STK38L: variants seen among roughly 807,000 people sequenced by gnomAD.
The protein encoded by STK38L is serine/threonine kinase 38 like.
In STK38L, 28 loss-of-function variants were observed where a neutral mutation model predicts 59.7. That is an observed-to-expected ratio of 0.47 (90% CI 0.35 to 0.64). STK38L has a LOEUF of 0.64. Ranked by LOEUF, STK38L falls within the 30% of genes least tolerant of loss-of-function variation. STK38L has a pLI of 0.01. For synonymous variants in STK38L, 162 were observed against 176.8 expected (o/e 0.92, Z 0.66); for missense variants, 314 against 555.8 (o/e 0.56, Z 4.37).
chr12:27,292,300 A>G (rs555996875), intron 1 of STK38L, among the ~76,000 whole-genome samples: 17 of 152,356 alleles, frequency 1.1e-4, no homozygotes, highest in African/African-American at 2.4e-4. Flanking sequence ...TTAAATTTTT[A>G]AAAGTCTGTC....
intron 1 of STK38L, among the ~76,000 whole-genome samples, chr12:27,263,826 A>G (rs925440905): frequency 1.3e-5 from 2 of 152,240 alleles, no homozygotes; most frequent in South Asian, 2.1e-4. Flanking sequence ...ATGACTGTAA[A>G]TCTGTCTACG....
intron 1 of STK38L, among the ~76,000 whole-genome samples, chr12:27,252,239 A>G (rs1942991384): frequency 1.3e-5 from 2 of 152,190 alleles, no homozygotes; most frequent in African/African-American, 2.4e-5. Flanking sequence ...TCGGCCTCCC[A>G]AAGTGCTGGG....
intron 1 of STK38L, among the ~76,000 whole-genome samples, chr12:27,274,228 T>C (rs1038914370): frequency 1.3e-5 from 1 of 77,420 alleles, no homozygotes; most frequent in Non-Finnish European, 3.1e-5. Context: ...AGAGCAAGAC[T>C]CTGTCAAAAA....
At chr12:27,249,025 A>C (rs1021958213) in intron 1 of STK38L, among the ~76,000 whole-genome samples, 5 of 152,132 alleles carry the variant, frequency 3.3e-5, no homozygotes, top group Admixed American at 1.3e-4. Flanking sequence ...GTTTGGGAAG[A>C]TTGTCTTAGT....
chr12:27,300,720 G>C (rs7137459), intron 2 of STK38L: 20,830 of 421,570 alleles, frequency 0.049, 1,392 homozygotes, highest in East Asian at 0.33. Context: ...ACCAAGGTAG[G>C]TGCCTATGAC....
intron 1 of STK38L, among the ~76,000 whole-genome samples, chr12:27,275,659 G>A (rs1370387917): frequency 6.6e-6 from 1 of 152,138 alleles, no homozygotes; most frequent in Non-Finnish European, 1.5e-5. Context: ...GCATCTTGAA[G>A]GCAGAGATTC....
intron 1 of STK38L, among the ~76,000 whole-genome samples, chr12:27,269,604 T>C (rs1488503668): frequency 1.3e-5 from 2 of 152,170 alleles, no homozygotes; most frequent in Non-Finnish European, 2.9e-5. Flanking sequence ...CCATGACATA[T>C]TCATGTTGCA....
At chr12:27,287,422 A>G (rs1302733278) in intron 1 of STK38L, among the ~76,000 whole-genome samples, 2 of 151,984 alleles carry the variant, frequency 1.3e-5, no homozygotes, top group Non-Finnish European at 2.9e-5. Flanking sequence ...TTTTAGATAT[A>G]ATGGACATTG....
At chr12:27,322,072 C>A in intron 12 of STK38L, 71 bp from the exon 13 acceptor site, 1 of 1,375,340 alleles carries the variant, frequency 7.3e-7, no homozygotes, top group South Asian at 1.3e-5. Context: ...GCAGAATTTA[C>A]AAGTAGAATT....
intron 1 of STK38L, among the ~76,000 whole-genome samples, chr12:27,256,225 C>T (rs1242460832): frequency 6.6e-6 from 1 of 152,212 alleles, no homozygotes; most frequent in African/African-American, 2.4e-5. Flanking sequence ...AATGACTGTC[C>T]TAAACTTGAA....
chr12:27,298,985 G>T (rs377204707), intron 2 of STK38L, among the ~76,000 whole-genome samples: 9 of 152,320 alleles, frequency 5.9e-5, no homozygotes, highest in Non-Finnish European at 1.2e-4. Context: ...TTGGGGTCAG[G>T]GTGGGGAATT....
intron 1 of STK38L, among the ~76,000 whole-genome samples, chr12:27,273,973 G>A (rs1943477950): frequency 6.6e-6 from 1 of 152,036 alleles, no homozygotes; most frequent in Non-Finnish European, 1.5e-5. Flanking sequence ...GCCCTTTTTG[G>A]GCCGGGTGCG....
intron 3 of STK38L, among the ~76,000 whole-genome samples, chr12:27,304,098 C>CA (rs1051951301): frequency 7.3e-5 from 11 of 151,580 alleles, no homozygotes; most frequent in African/African-American, 1.2e-4. Flanking sequence ...CTGGTCTCTA[C>CA]AAAAAATTTT....
chr12:27,307,222 A>C (rs1025387077), intron 3 of STK38L, among the ~76,000 whole-genome samples: 5 of 152,220 alleles, frequency 3.3e-5, no homozygotes, highest in African/African-American at 1.2e-4. Context: ...CATTACTGTC[A>C]TAATTTACAC....
chr12:27,296,229 C>T (rs1591909065), intron 1 of STK38L, among the ~76,000 whole-genome samples: 1 of 152,178 alleles, frequency 6.6e-6, no homozygotes, highest in South Asian at 2.1e-4. Context: ...GTGAGTTGTT[C>T]TTATTGATCA....
chr12:27,255,053 G>C (rs1216172607), intron 1 of STK38L, among the ~76,000 whole-genome samples: 2 of 152,166 alleles, frequency 1.3e-5, no homozygotes, highest in Admixed American at 1.3e-4. Flanking sequence ...CAGAAAAGGA[G>C]ACAGAAATCA....
At chr12:27,312,823 A>AT in intron 6 of STK38L, 151 bp downstream of exon 6, 1 of 904,754 alleles carries the variant, frequency 1.1e-6, no homozygotes, top group Non-Finnish European at 1.6e-6. Context: ...ATTGATGCTC[A>AT]TTTTTACCAC....
intron 1 of STK38L, among the ~76,000 whole-genome samples, chr12:27,277,473 C>G (rs1237495809): frequency 6.6e-6 from 1 of 151,760 alleles, no homozygotes; most frequent in African/African-American, 2.4e-5. Flanking sequence ...TCTTTAACTC[C>G]CTGATTTTAG....
intron 1 of STK38L, among the ~76,000 whole-genome samples, chr12:27,255,453 T>C (rs1358979103): frequency 6.6e-6 from 1 of 152,216 alleles, no homozygotes; most frequent in Non-Finnish European, 1.5e-5. Context: ...AGCTTTTCTG[T>C]AATAGTGGTG....
Sources: gnomAD v4.1 joint callset for allele counts (sites outside exome capture counted in the v4.1 genomes callset) on GRCh38, gnomAD v4.1.1 for gene constraint, MANE v1.5 for transcripts, NCBI Gene and HGNC (gene_info 2026-07-23, HGNC 2026-07-21) for gene names.